PICALM: variants seen among roughly 807,000 people sequenced by gnomAD.
PICALM encodes phosphatidylinositol-binding clathrin assembly protein.
A neutral mutation model predicts 80.5 loss-of-function variants in PICALM; 40 were observed. The observed-to-expected ratio is 0.50, with a 90% confidence interval of 0.39 to 0.65. The LOEUF (loss-of-function observed/expected upper bound fraction) is 0.65, where lower values mean the gene tolerates loss of function less well. Among genes scored for constraint, PICALM ranks in the 30% least tolerant of loss-of-function variants. PICALM has a pLI of 0.00. For synonymous variants in PICALM, 288 were observed against 260.3 expected, an observed-to-expected ratio of 1.11 and a Z score of -1.02; for missense variants, 676 against 778.9, an observed-to-expected ratio of 0.87 and a Z score of 1.57.
At chr11:86,043,829 C>A (rs533754192) in intron 1 of PICALM, among the ~76,000 whole-genome samples, 15 of 152,276 alleles carry the variant, frequency 9.9e-5, no homozygotes, top group African/African-American at 3.6e-4. Flanking sequence ...TTTTTCATCT[C>A]TTCTCTTAAA....
At chr11:85,978,930 G>A (rs949618861) in intron 17 of PICALM, among the ~76,000 whole-genome samples, 7 of 152,032 alleles carry the variant, frequency 4.6e-5, no homozygotes, top group Non-Finnish European at 7.4e-5. Context: ...TAATTCACAC[G>A]AGTCCATAAA....
chr11:85,969,986 T>A (rs2094045175), intron 19 of PICALM, among the ~76,000 whole-genome samples: 1 of 152,120 alleles, frequency 6.6e-6, no homozygotes, highest in African/African-American at 2.4e-5. Context: ...TACAAGTAAG[T>A]GAAATGAGAG....
Position 86,014,971 on chromosome 11 carries a change from G to A in PICALM, c.453-8C>T, listed in dbSNP as rs754683140. On this transcript the variant is annotated splice_polypyrimidine_tract_variant and splice_region_variant and intron_variant, in intron 4 of 19. Coordinates refer to ENST00000393346, the MANE Select transcript of PICALM (RefSeq NM_007166.4). ...CTCATAACTCCATCAGCCCTGTTAT[G>A]AAAAAACCAGAGAAATAAACAAATG... 2 of 1,503,098 alleles carry A rather than the reference G, an allele frequency of 1.3e-6. No individual in the cohort carries two copies. The highest frequency in any genetic ancestry group is 2.3e-5 in the East Asian group (1 of 42,856). The allele number at this position is 1,503,098 out of a possible 1,614,324, so 93.1% of individuals were successfully genotyped here. A position where few individuals can be genotyped will look rare whatever the true frequency, so the allele number is the denominator to read the frequency against.
intron 19 of PICALM, chr11:85,974,436 C>T: frequency 1.8e-6 from 1 of 570,564 alleles, no homozygotes; most frequent in Non-Finnish European, 3.4e-6. Flanking sequence ...AGCAAGTAGG[C>T]TCCTTAATCT....
chr11:86,063,186 A>G (rs1294718927), intron 1 of PICALM, among the ~76,000 whole-genome samples: 1 of 152,220 alleles, frequency 6.6e-6, no homozygotes, highest in East Asian at 1.9e-4. Context: ...AAAATAGATT[A>G]TTTTTAAACA....
chr11:85,994,780 T>C (rs568414917), intron 12 of PICALM, among the ~76,000 whole-genome samples: 118 of 152,346 alleles, frequency 7.7e-4, no homozygotes, highest in Middle Eastern at 3.4e-3. Context: ...CTCGGCTCAT[T>C]GCAATTTCCG....
At chr11:85,995,694 T>C (rs537668150) in intron 12 of PICALM, among the ~76,000 whole-genome samples, 1 of 152,222 alleles carries the variant, frequency 6.6e-6, no homozygotes, top group Non-Finnish European at 1.5e-5. Context: ...TAAATGGTCA[T>C]GTTAATTCTA....
chr11:86,000,549 C>G (rs895042061), intron 11 of PICALM, 94 bp downstream of exon 11: 2 of 926,648 alleles, frequency 2.2e-6, no homozygotes, highest in Non-Finnish European at 3.3e-6. Context: ...ATTATAAAAG[C>G]ATAAATAAAA....
intron 17 of PICALM, among the ~76,000 whole-genome samples, chr11:85,979,153 G>C (rs2094365588): frequency 6.6e-6 from 1 of 152,134 alleles, no homozygotes; most frequent in Admixed American, 6.6e-5. Flanking sequence ...TTGTGTATTT[G>C]TGTGTATAAA....
At chr11:86,047,464 C>T (rs1024910011) in intron 1 of PICALM, among the ~76,000 whole-genome samples, 2 of 152,194 alleles carry the variant, frequency 1.3e-5, no homozygotes, top group African/African-American at 4.8e-5. Context: ...AAACTGCAAG[C>T]CTTAATTTAT....
chr11:86,059,431 CA>C (rs1467079937), intron 1 of PICALM, among the ~76,000 whole-genome samples: 1 of 152,094 alleles, frequency 6.6e-6, no homozygotes, highest in Non-Finnish European at 1.5e-5. Context: ...CTGACAGGAC[CA>C]GGGGGAGTTA....
intron 12 of PICALM, among the ~76,000 whole-genome samples, chr11:85,994,057 A>G (rs1183748268): frequency 1.3e-5 from 2 of 152,192 alleles, no homozygotes; most frequent in Non-Finnish European, 2.9e-5. Flanking sequence ...TTTGTGTTTC[A>G]TGCCAGCTAA....
chr11:86,053,118 G>A (rs1192210368), intron 1 of PICALM, among the ~76,000 whole-genome samples: 1 of 152,152 alleles, frequency 6.6e-6, no homozygotes, highest in African/African-American at 2.4e-5. Flanking sequence ...ACTAGACTGA[G>A]GACAGATTAG....
At chr11:85,963,660 C>T (rs2093768810) in intron 19 of PICALM, among the ~76,000 whole-genome samples, 1 of 152,180 alleles carries the variant, frequency 6.6e-6, no homozygotes, top group Non-Finnish European at 1.5e-5. Context: ...TCCCCTCCTC[C>T]ACTACTCTAA....
chr11:86,053,866 CCAAGACTAA>C (rs1382793718), intron 1 of PICALM, among the ~76,000 whole-genome samples: 1 of 152,138 alleles, frequency 6.6e-6, no homozygotes, highest in African/African-American at 2.4e-5. Context: ...AAGCACCCAT[CCAAGACTAA>C]CAAAGCCTTG....
chr11:85,981,971 T>C lies in PICALM; in HGVS notation c.1549A>G (p.Thr517Ala), dbSNP rs1288589028. Residue 517 changes from threonine to alanine, a missense_variant, in exon 15 of 20, where the codon ACA (threonine) becomes GCA (alanine). This residue lies in a region of PICALM where 391 missense variants were observed against 383.6 expected (regional missense o/e 1.02). Transcript: ENST00000393346. Reference protein sequence around the residue: ...FDELGGLLKPTVASQNQNLPV... With the variant: ...FDELGGLLKPAVASQNQNLPV... ...AGGTTCTGGTTCTGAGAGGCCACTG[T>C]TGGTTTGAGAAGTCCACCTAGTTCA... The C allele has an allele frequency of 8.1e-6, 13 of 1,613,226 alleles. No homozygotes were observed. The highest frequency in any genetic ancestry group is 1.1e-5 in the Non-Finnish European group (13 of 1,179,156).
intron 11 of PICALM, 110 bp downstream of exon 11, chr11:86,000,533 G>A (rs1182982815): frequency 1.3e-6 from 1 of 768,530 alleles, no homozygotes; most frequent in Non-Finnish European, 2.1e-6. Context: ...CTCTTTGTGT[G>A]AATAGATTAT....
intron 1 of PICALM, among the ~76,000 whole-genome samples, chr11:86,034,719 T>C (rs2095812309): frequency 6.6e-6 from 1 of 151,806 alleles, no homozygotes; most frequent in Admixed American, 6.6e-5. Flanking sequence ...GAGTGAGAAT[T>C]TACAAAGATT....
intron 9 of PICALM, among the ~76,000 whole-genome samples, chr11:86,002,274 G>A (rs756097429): frequency 5.3e-5 from 8 of 151,880 alleles, no homozygotes; most frequent in Non-Finnish European, 8.8e-5. Flanking sequence ...ATCCAATAAC[G>A]GCATTTCCCT....
Sources: gnomAD v4.1 joint callset for allele counts (sites outside exome capture counted in the v4.1 genomes callset) on GRCh38, gnomAD v4.1.1 for gene constraint, gnomAD v4.1.1 regional missense constraint, MANE v1.5 for transcripts, NCBI Gene and HGNC (gene_info 2026-07-23, HGNC 2026-07-21) for gene names.